Variants in DNAH1 observed in about 807,000 individuals in gnomAD.
DNAH1 encodes the protein axonemal beta dynein heavy chain 1.
A neutral mutation model predicts 484.3 loss-of-function variants in DNAH1; 327 were observed. The ratio of observed to expected loss-of-function variants is 0.68; its 90% CI spans 0.62 to 0.74. The LOEUF (loss-of-function observed/expected upper bound fraction) is 0.74. Ranked by LOEUF, DNAH1 falls within the 30% of genes least tolerant of loss-of-function variation. The probability of loss-of-function intolerance (pLI) is 0.00; values close to 1 mark genes in which losing one functional copy is unlikely to be tolerated. For missense variants in DNAH1, 5,052 were observed against 5,546.8 expected, an observed-to-expected ratio of 0.91 and a Z score of 2.83; for synonymous variants, 2,192 against 2,191.9, an observed-to-expected ratio of 1.00 and a Z score of 0.00.
intron 10 of DNAH1, among the ~76,000 whole-genome samples, 175 bp downstream of exon 10, chr3:52,345,881 G>A (rs1179083554): frequency 6.6e-6 from 1 of 152,206 alleles, no homozygotes; most frequent in African/African-American, 2.4e-5. Context: ...TTGGAGGCTG[G>A]GGTGGGGACC....
At chr3:52,365,621 C>A (rs1418893365) in intron 34 of DNAH1, among the ~76,000 whole-genome samples, 3 of 152,124 alleles carry the variant, frequency 2.0e-5, no homozygotes, top group African/African-American at 7.2e-5. Flanking sequence ...GGTCTCAGTT[C>A]ATTCCCAGCC....
At position 52,358,964 on chromosome 3, in the gene DNAH1, C is replaced by A. The variant is rs953251854; in HGVS notation, c.4266+227C>A. On this transcript the variant is annotated intron_variant, in intron 25 of 77. Coordinates refer to ENST00000420323, the MANE Select transcript of DNAH1 (RefSeq NM_015512.5). The surrounding 1 kb of genome is among the most constrained non-coding windows in gnomAD (Gnocchi z 4.2). ...TTCCCAGCACTCACTGGGTGCCAGG[C>A]TCCAGGCTGGGCCCTCTCCTGCAGT... Among the ~76,000 whole-genome samples, 5 of 152,302 alleles carry A rather than the reference C, an allele frequency of 3.3e-5. No individual in the cohort carries two copies. Among genetic ancestry groups the A allele is most frequent in the Middle Eastern group, 6.8e-3 (2 of 294 alleles).
At chr3:52,391,735 G>A in intron 63 of DNAH1, 132 bp downstream of exon 63, 1 of 1,087,526 alleles carries the variant, frequency 9.2e-7, no homozygotes. Flanking sequence ...TTCACCCCAG[G>A]CACTCACATT....
chr3:52,338,366 C>T (rs1277506617), intron 8 of DNAH1, among the ~76,000 whole-genome samples: 2 of 152,344 alleles, frequency 1.3e-5, no homozygotes, highest in Non-Finnish European at 1.5e-5. Flanking sequence ...ACCTCGGCCA[C>T]CCGAAGTGCT....
chr3:52,343,788 C>T (rs1355701407), intron 8 of DNAH1, among the ~76,000 whole-genome samples: 1 of 152,192 alleles, frequency 6.6e-6, no homozygotes, highest in East Asian at 1.9e-4. Context: ...ACAGAGATGC[C>T]AGCTGGCTCA....
At chr3:52,316,149 G>A (rs1700941955), upstream of DNAH1, among the ~76,000 whole-genome samples, 1 of 152,210 alleles carries the variant, frequency 6.6e-6, no homozygotes, top group South Asian at 2.1e-4. Context: ...CCACTGTGTT[G>A]CTTGGCAACT....
chr3:52,381,658 G>A lies in DNAH1; in HGVS notation c.7627G>A (p.Glu2543Lys), dbSNP rs1250528005. 4 of 1,607,200 alleles carry A rather than the reference G, an allele frequency of 2.5e-6. No homozygotes were observed. In the African/African-American group the frequency reaches 5.4e-5, roughly 22 times the overall value. Residue 2543 changes from glutamate to lysine, a missense_variant, in exon 49 of 78, where the codon GAG (glutamate) becomes AAG (lysine). By Grantham distance (56) the Glu-to-Lys change is moderately conservative. Transcript: ENST00000420323. The surrounding 1 kb of genome is among the most constrained non-coding windows in gnomAD (Gnocchi z 4.1). ...SESKMMQVIE[E>K]YIEDYNQINT... ...TGCACAGATGATGCAGGTGATAGAG[G>A]AGTACATAGAGGACTACAACCAGAT...
rs148913561 is a variant in DNAH1, at chr3:52,392,973, T to A, written c.10422T>A (p.Leu3474=). 1 of 1,613,646 alleles carries A rather than the reference T, an allele frequency of 6.2e-7. No individual in the cohort carries two copies. Among genetic ancestry groups the A allele is most frequent in the Admixed American group, 1.7e-5 (1 of 59,986 alleles). The part of the protein sequence containing the change: ...ANVDPMYQYS[L]EWFLNIFLSG... The stretch of plus-strand genomic sequence containing the variant: ...TGGACCCCATGTACCAGTACTCCCT[T>A]GAGTGGTTTCTCAACATCTTCCTCT... The change falls in exon 65 of 78, where the codon CTT becomes CTA. Residue 3474 remains leucine, a synonymous_variant. Coordinates refer to ENST00000420323, the MANE Select transcript of DNAH1 (RefSeq NM_015512.5).
rs764387399 is a variant in DNAH1 at position 52,382,426 on chromosome 3, C to T, written c.7912C>T (p.Pro2638Ser). The T allele has an allele frequency of 1.9e-6, 3 of 1,613,852 alleles. No individual in the cohort carries two copies. The highest frequency in any genetic ancestry group is 2.2e-5 in the South Asian group (2 of 91,090). ...VLLKAGLQNL[P>S]ITFLFSDTQI... ...GCTCAAGGCGGGCCTACAGAACCTA[C>T]CCATCACCTTCCTCTTCTCAGACAC... Residue 2638 changes from proline (P) to serine (S), a missense_variant, in exon 50 of 78, where the codon CCC (proline) becomes TCC (serine). Around this residue, in one of 4 missense-constraint regions of DNAH1, gnomAD observed 2,929 missense variants for 3,409.4 expected, o/e 0.86. Transcript: ENST00000420323.
chr3:52,392,417 CG>C, intron 63 of DNAH1, 46 bp from the exon 64 acceptor site: 1 of 1,577,184 alleles, frequency 6.3e-7, no homozygotes, highest in Non-Finnish European at 8.7e-7. Flanking sequence ...ACTAGCCCTC[CG>C]GGGCCCACCA....
At chr3:52,340,813 CTG>C (rs1470347400) in intron 8 of DNAH1, among the ~76,000 whole-genome samples, 1 of 152,086 alleles carries the variant, frequency 6.6e-6, no homozygotes, top group Non-Finnish European at 1.5e-5. Flanking sequence ...CCCTTGTTCT[CTG>C]TGAAAACTTG....
In DNAH1 at chr3:52,391,519, A is replaced by G. The variant is rs758667262; in HGVS notation, c.9968A>G (p.Tyr3323Cys). 1.9e-6 allele frequency: 3 copies of G among 1,613,600 alleles called. No individual in the cohort carries two copies. The highest frequency in any genetic ancestry group is 2.5e-6 in the Non-Finnish European group (3 of 1,179,774). ...CCCTACCATGAGGACTTCAGGATGT[A>G]CATCACCACCAAGCTGCCCAACCCA... ...VIPYHEDFRM[Y>C]ITTKLPNPHY... Residue 3323 changes from tyrosine to cysteine, a missense_variant, in exon 63 of 78, where the codon TAC (tyrosine) becomes TGC (cysteine). Tyr to Cys is a radical substitution (Grantham distance 194). Transcript: ENST00000420323.
intron 34 of DNAH1, among the ~76,000 whole-genome samples, 170 bp downstream of exon 34, chr3:52,365,189 C>T (rs1269036045): frequency 3.9e-5 from 6 of 152,212 alleles, no homozygotes; most frequent in African/African-American, 1.2e-4. Flanking sequence ...GCAGATGTCC[C>T]GGCCCAGTCT....
chr3:52,323,665 A>G, intron 2 of DNAH1, 143 bp from the exon 3 acceptor site: 1 of 597,036 alleles, frequency 1.7e-6, no homozygotes, highest in Admixed American at 3.0e-5. Context: ...AATTGTGCAT[A>G]CTCACTGGTT....
In DNAH1 at chr3:52,338,172, G is replaced by A. The variant is rs148048941; in HGVS notation, c.1286+5778G>A. On this transcript the variant is annotated intron_variant, in intron 8 of 77. Transcript: ENST00000420323. The stretch of plus-strand genomic sequence containing the variant: ...CACCCAGGCTGGAGTGCAATGGTGC[G>A]ATCTCTGCTCACTGCAACCTCTGCC... 2.4e-3 allele frequency among the ~76,000 whole-genome samples: 372 copies of A among 151,858 alleles called. 1 individual carries two copies. Among genetic ancestry groups the A allele is most frequent in the South Asian group, 0.012 (57 of 4,792 alleles).
Position 52,332,197 on chromosome 3 carries a change from C to T in DNAH1, c.1089C>T (p.Phe363=). 2 of 1,603,846 alleles carry T rather than the reference C, an allele frequency of 1.2e-6. No individual in the cohort carries two copies. Among genetic ancestry groups the T allele is most frequent in the Non-Finnish European group, 1.7e-6 (2 of 1,174,810 alleles). ...GGGTGCCACGGATCCAGCTTCTCTTCTGCGCTGAGGACCCTTGCATGTTCG... is the reference window on the plus strand; with the variant it reads ...GGGTGCCACGGATCCAGCTTCTCTTTTGCGCTGAGGACCCTTGCATGTTCG... ...QYWVPRIQLL[F]CAEDPCMFAQ... Residue 363 remains phenylalanine (F), a synonymous_variant, in exon 8 of 78, where the codon TTC becomes TTT. Transcript: ENST00000420323.
chr3:52,396,340 A>C lies in DNAH1; in HGVS notation c.11260-28A>C, dbSNP rs1704623383. 8 of 1,553,390 alleles carry C rather than the reference A, an allele frequency of 5.2e-6. No individual in the cohort carries two copies. In the East Asian group the frequency reaches 1.9e-4, roughly 38 times the overall value. ...AGGGTGGCCACCAGATATGGGTCTC[A>C]ATGCTCACGTGGAGCCATGGCCACC... On this transcript the variant is annotated intron_variant, in intron 70 of 77. Transcript: ENST00000420323.
chr3:52,345,729 G>A lies in DNAH1; in HGVS notation c.1656+23G>A, dbSNP rs1578109981. 4 of 1,600,974 alleles carry A rather than the reference G, an allele frequency of 2.5e-6. No homozygotes were observed. The Admixed American group carries it at 5.2e-5, about 21-fold the overall frequency. On this transcript the variant is annotated intron_variant, in intron 10 of 77. Transcript: ENST00000420323. Reference sequence around the variant, plus strand: ...CAGGTTTGTGGGCATCAAGGGCACAGGGGGCAAACGCAGGGCAGACCCTTG... The same window carrying A: ...CAGGTTTGTGGGCATCAAGGGCACAAGGGGCAAACGCAGGGCAGACCCTTG...
At position 52,349,090 on chromosome 3, in the gene DNAH1, G is replaced by A. The variant is rs200873154; in HGVS notation, c.2300+9G>A. Reference sequence around the variant, plus strand: ...ATTGCCTCCTTTCTCAAGTGCGTACGTGTGCCCATGCACGTCGGAGGGTGT... The same window carrying A: ...ATTGCCTCCTTTCTCAAGTGCGTACATGTGCCCATGCACGTCGGAGGGTGT... On this transcript the variant is annotated intron_variant, in intron 13 of 77. Transcript: ENST00000420323. 54 of 1,612,944 alleles carry A rather than the reference G, an allele frequency of 3.3e-5. No individual in the cohort carries two copies. The Middle Eastern group carries it at 9.9e-4, about 30-fold the overall frequency.
Sources: allele counts gnomAD v4.1 joint callset (sites outside exome capture counted in the v4.1 genomes callset), GRCh38; gene constraint gnomAD v4.1.1; regional missense constraint gnomAD v4.1.1; non-coding constraint Gnocchi (gnomAD v3.1); transcripts MANE v1.5; gene names NCBI Gene and HGNC (gene_info 2026-07-23, HGNC 2026-07-21).